The following CENPO variants were observed in gnomAD, a reference collection of about 807,000 sequenced individuals.
The protein encoded by CENPO is centromeric protein O.
In CENPO, 30 loss-of-function variants were observed where a neutral mutation model predicts 36.1. The observed-to-expected ratio is 0.83, with a 90% CI of 0.62 to 1.13. The LOEUF (loss-of-function observed/expected upper bound fraction) is 1.13, where lower values mean the gene tolerates loss of function less well. Ranked by LOEUF, CENPO falls within the 50% of genes most tolerant of loss-of-function variation. The pLI, the probability that CENPO is intolerant of heterozygous loss-of-function variation, is 0.00. For synonymous variants in CENPO, 171 were observed against 142.3 expected (o/e 1.20, Z -1.44); for missense variants, 349 against 357.8 (o/e 0.98, Z 0.20).
intron 3 of CENPO, among the ~76,000 whole-genome samples, chr2:24,812,306 T>C (rs1369148603): frequency 1.3e-5 from 2 of 152,212 alleles, no homozygotes; most frequent in African/African-American, 2.4e-5. Context: ...GTTAATCTTA[T>C]GTTTGTGAAT....
At chr2:24,816,330 T>G in intron 5 of CENPO, 2 of 255,176 alleles carry the variant, frequency 7.8e-6, no homozygotes, top group Non-Finnish European at 1.5e-5. Flanking sequence ...TAGATTTAAC[T>G]TAAATTGAAA....
Position 24,821,848 on chromosome 2 carries a change from G to T in CENPO, c.*2530G>T. On this transcript the variant is annotated 3_prime_UTR_variant, in exon 8 of 8. Transcript: ENST00000380834. ...CGTAGCAGGTCTAGGCAAAGACTGG[G>T]CAATTGAGCAGAGGAGACGGACCTG... 1 of 636,846 alleles carries T rather than the reference G, an allele frequency of 1.6e-6. No homozygotes were observed. The highest frequency in any genetic ancestry group is 2.6e-6 in the Non-Finnish European group (1 of 389,398). The allele number at this position is 636,846 out of a possible 1,614,324, so 39.4% of individuals were successfully genotyped here. A position where few individuals can be genotyped will look rare whatever the true frequency, so the allele number is the denominator to read the frequency against.
Position 24,821,697 on chromosome 2 carries a change from C to G in CENPO, c.*2379C>G. The G allele has an allele frequency of 6.3e-7, 1 of 1,590,990 alleles. No individual in the cohort carries two copies. The highest frequency in any genetic ancestry group is 8.6e-7 in the Non-Finnish European group (1 of 1,166,438). On this transcript the variant is annotated 3_prime_UTR_variant, in exon 8 of 8. Coordinates refer to ENST00000380834, the MANE Select transcript of CENPO (RefSeq NM_001322101.2). ...GGGCCGCTCACTGCAGCAGCCTGCT[C>G]TGCTGCCTTCCCTGGCAGTGTTCTG...
At chr2:24,806,633 A>AGT (rs1666419341) in intron 3 of CENPO, among the ~76,000 whole-genome samples, 3 of 152,238 alleles carry the variant, frequency 2.0e-5, no homozygotes, top group Admixed American at 2.0e-4. Flanking sequence ...TATTCGGTTT[A>AGT]GTAAATACTG....
Position 24,814,649 on chromosome 2 carries a change from C to T in CENPO, c.334+156C>T, listed in dbSNP as rs562076235. Reference sequence around the variant, plus strand: ...ACACACACACACACACAGACACACACACAGCTGACGTGCTATTTGTAGGCC... The same window carrying T: ...ACACACACACACACACAGACACACATACAGCTGACGTGCTATTTGTAGGCC... On this transcript the variant is annotated intron_variant, in intron 4 of 7. Transcript: ENST00000380834. 3.1e-4 allele frequency: 189 copies of T among 615,664 alleles called. 1 individual carries two copies. The East Asian group carries it at 4.7e-3, about 15-fold the overall frequency. 38.1% of individuals were successfully genotyped at this position (615,664 alleles called of 1,614,324 possible).
chr2:24,817,622 G>A (rs757310762), intron 6 of CENPO, 48 bp from the exon 7 acceptor site: 8 of 1,611,886 alleles, frequency 5.0e-6, no homozygotes, highest in African/African-American at 2.7e-5. Flanking sequence ...TCCAGGCTCC[G>A]ATTCCCCCAG....
chr2:24,817,875 G>T (rs1558383638), intron 7 of CENPO, 34 bp downstream of exon 7: 1 of 1,557,546 alleles, frequency 6.4e-7, no homozygotes, highest in Admixed American at 1.7e-5. Context: ...GTACCAGGTG[G>T]GTAGTACTGT....
chr2:24,821,945 G>T lies in CENPO; in HGVS notation c.*2627G>T. 2 of 324,734 alleles carry T rather than the reference G, an allele frequency of 6.2e-6. No homozygotes were observed. The highest frequency in any genetic ancestry group is 5.7e-6 in the Non-Finnish European group (1 of 174,366). 20.1% of individuals were successfully genotyped at this position (324,734 alleles called of 1,614,324 possible). ...CCTGGTCCTTAGGTTTTGTCAGGTT[G>T]TCCTTGTTTGGATCCCTCAACTAGG... On this transcript the variant is annotated 3_prime_UTR_variant, in exon 8 of 8. Transcript: ENST00000380834.
At chr2:24,795,600 G>A (rs1473765313) in intron 2 of CENPO, among the ~76,000 whole-genome samples, 1 of 152,192 alleles carries the variant, frequency 6.6e-6, no homozygotes, top group African/African-American at 2.4e-5. Context: ...AGAAGGAGCA[G>A]CATGATACTG....
chr2:24,820,215 G>T lies in CENPO; in HGVS notation c.*897G>T. On this transcript the variant is annotated 3_prime_UTR_variant, in exon 8 of 8. Transcript: ENST00000380834. ...GTTGGAGCCGAGCACTGATCCATGG[G>T]TCCCAAGCAGTACGGGACACTCCCC... The T allele has an allele frequency of 8.1e-7, 1 of 1,236,206 alleles. No homozygotes were observed. Among genetic ancestry groups the T allele is most frequent in the Non-Finnish European group, 1.1e-6 (1 of 911,420 alleles). 76.6% of individuals were successfully genotyped at this position (1,236,206 alleles called of 1,614,324 possible).
chr2:24,819,535 C>T lies in CENPO; in HGVS notation c.*217C>T, dbSNP rs1667216751. On this transcript the variant is annotated 3_prime_UTR_variant, in exon 8 of 8. Transcript: ENST00000380834. ...TCAAAATGGGAGCCATGTCCTGCCC[C>T]ACCAAGCCCTGTCTGAAGTGGAGCT... 6.2e-6 allele frequency: 1 copy of T among 160,742 alleles called. No homozygotes were observed. The highest frequency in any genetic ancestry group is 2.4e-5 in the African/African-American group (1 of 41,702). 10.0% of individuals were successfully genotyped at this position (160,742 alleles called of 1,614,324 possible). A position where few individuals can be genotyped will look rare whatever the true frequency, so the allele number is the denominator to read the frequency against.
chr2:24,798,522 A>G (rs1666016256), intron 2 of CENPO, among the ~76,000 whole-genome samples: 1 of 151,588 alleles, frequency 6.6e-6, no homozygotes, highest in African/African-American at 2.4e-5. Context: ...GTGCAGTGGC[A>G]CGATCTTGGC....
intron 7 of CENPO, 93 bp downstream of exon 7, chr2:24,817,934 T>TC: frequency 9.8e-7 from 1 of 1,018,404 alleles, no homozygotes; most frequent in Non-Finnish European, 1.4e-6. Flanking sequence ...ACCTACCTGT[T>TC]CATCTGGATG....
intron 6 of CENPO, among the ~76,000 whole-genome samples, chr2:24,817,224 GGAGCA>G (rs1411036557): frequency 1.3e-5 from 2 of 152,154 alleles, no homozygotes; most frequent in Non-Finnish European, 2.9e-5. Context: ...TCCTCCCTAC[GGAGCA>G]GTCTCTAAAT....
Position 24,821,590 on chromosome 2 carries a change from G to T in CENPO, c.*2272G>T, listed in dbSNP as rs1168040775. On this transcript the variant is annotated 3_prime_UTR_variant, in exon 8 of 8. Coordinates refer to ENST00000380834, the MANE Select transcript of CENPO (RefSeq NM_001322101.2). Reference sequence around the variant, plus strand: ...GCGTATCCTTCATGGCCAGCGCGAAGTCGGCCAGGTCAGCCAGGTGCTGCC... The same window carrying T: ...GCGTATCCTTCATGGCCAGCGCGAATTCGGCCAGGTCAGCCAGGTGCTGCC... The T allele has an allele frequency of 1.2e-6, 2 of 1,614,182 alleles. No individual in the cohort carries two copies.
chr2:24,800,547 A>G (rs1014735294), intron 3 of CENPO, among the ~76,000 whole-genome samples: 6 of 139,252 alleles, frequency 4.3e-5, no homozygotes, highest in South Asian at 4.4e-4. Context: ...TCAGTGTTCA[A>G]TTCCCACCTA....
At chr2:24,801,349 A>G (rs1666158780) in intron 3 of CENPO, among the ~76,000 whole-genome samples, 1 of 152,094 alleles carries the variant, frequency 6.6e-6, no homozygotes, top group East Asian at 1.9e-4. Context: ...CCGTTTGTCA[A>G]TTTTGGCTTT....
Position 24,815,513 on chromosome 2 carries a change from G to C in CENPO, c.351G>C (p.Leu117=). 2 of 1,613,816 alleles carry C rather than the reference G, an allele frequency of 1.2e-6. No homozygotes were observed. Among genetic ancestry groups the C allele is most frequent in the South Asian group, 1.1e-5 (1 of 90,962 alleles). ...AYHFTGLSGK[L]TSRGVCVCIS... is the part of the protein sequence containing the mutation. ...TTGCCTCAGGCCTCAGTGGTAAACT[G>C]ACCAGCCGAGGAGTTTGTGTCTGCA... The change falls in exon 5 of 8, where the codon CTG becomes CTC. Residue 117 remains leucine (L), a synonymous_variant. Transcript: ENST00000380834.
rs1353127742 is a variant in CENPO, at chr2:24,821,816, A to G, written c.*2498A>G. On this transcript the variant is annotated 3_prime_UTR_variant, in exon 8 of 8. Transcript: ENST00000380834. ...CTAGCTCTGACTTGCCACTGTGACA[A>G]AGTTCACGTAGCAGGTCTAGGCAAA... 3 of 887,106 alleles carry G rather than the reference A, an allele frequency of 3.4e-6. No homozygotes were observed. The highest frequency in any genetic ancestry group is 5.0e-6 in the Non-Finnish European group (3 of 597,738). The allele number at this position is 887,106 out of a possible 1,614,324, so 55.0% of individuals were successfully genotyped here. A position where few individuals can be genotyped will look rare whatever the true frequency, so the allele number is the denominator to read the frequency against.
Sources: allele counts gnomAD v4.1 joint callset (sites outside exome capture counted in the v4.1 genomes callset), GRCh38; gene constraint gnomAD v4.1.1; transcripts MANE v1.5; gene names NCBI Gene and HGNC (gene_info 2026-07-23, HGNC 2026-07-21).